Variants in LEMD3 observed in about 807,000 individuals in gnomAD.
LEMD3 encodes the protein inner nuclear membrane protein Man1.
Under a neutral mutation model 95.2 loss-of-function variants are expected in LEMD3, and 33 were observed. The ratio of observed to expected loss-of-function variants is 0.35; its 90% CI spans 0.26 to 0.46. The LOEUF is 0.46. Ranked by LOEUF, LEMD3 falls within the 20% of genes least tolerant of loss-of-function variation. The pLI, the probability that LEMD3 is intolerant of heterozygous loss-of-function variation, is 1.00. For missense variants in LEMD3, 1,210 were observed against 1,192.8 expected (o/e 1.01, Z -0.21); for synonymous variants, 525 against 474.6 (o/e 1.11, Z -1.38).
intron 1 of LEMD3, among the ~76,000 whole-genome samples, chr12:65,197,577 C>A (rs916186245): frequency 1.3e-5 from 2 of 152,078 alleles, no homozygotes; most frequent in African/African-American, 4.8e-5. Flanking sequence ...TTGTTTTTGA[C>A]TTGATGACAT....
At chr12:65,193,219 G>A (rs1869300048) in intron 1 of LEMD3, among the ~76,000 whole-genome samples, 1 of 152,174 alleles carries the variant, frequency 6.6e-6, no homozygotes, top group South Asian at 2.1e-4. Flanking sequence ...TAAAGCAGGA[G>A]TGAAAGCTTT....
chr12:65,190,238 A>G (rs1869196319), intron 1 of LEMD3, among the ~76,000 whole-genome samples: 1 of 152,180 alleles, frequency 6.6e-6, no homozygotes, highest in East Asian at 1.9e-4. Flanking sequence ...GCCCCCTGCA[A>G]CCATCTGAAT....
intron 4 of LEMD3, among the ~76,000 whole-genome samples, chr12:65,224,499 TC>T (rs774397298): frequency 5.9e-5 from 9 of 152,002 alleles, no homozygotes; most frequent in Non-Finnish European, 1.3e-4. Context: ...GATGTACTGC[TC>T]CCCCCTCCCC....
chr12:65,187,793 C>T (rs1869113493), intron 1 of LEMD3, among the ~76,000 whole-genome samples: 1 of 152,010 alleles, frequency 6.6e-6, no homozygotes, highest in African/African-American at 2.4e-5. Context: ...GATCTCTGTC[C>T]TTCAAAGTAG....
intron 8 of LEMD3, 27 bp downstream of exon 8, chr12:65,240,265 G>T: frequency 6.6e-7 from 1 of 1,519,326 alleles, no homozygotes; most frequent in East Asian, 2.3e-5. Context: ...ATGAGTTCAA[G>T]TAAATCAGAA....
Position 65,170,215 on chromosome 12 carries a change from C to G in LEMD3, c.619C>G (p.Leu207Val), listed in dbSNP as rs1041523937. The G allele has an allele frequency of 3.3e-6, 5 of 1,504,366 alleles. No individual in the cohort carries two copies. Among genetic ancestry groups the G allele is most frequent in the African/African-American group, 2.8e-5 (2 of 72,098 alleles). 93.2% of individuals were successfully genotyped at this position (1,504,366 alleles called of 1,614,324 possible). ...GGCCAGGAGGCCGGCGGGCCCCGAG[C>G]TGCAGACCCCGCCGGGGAAAGATGG... ...WGARRPAGPELQTPPGKDGAV... is the reference protein window; with the variant it reads ...WGARRPAGPEVQTPPGKDGAV... The change falls in exon 1 of 13, where the codon CTG (leucine) becomes GTG (valine). Residue 207 changes from leucine (L) to valine (V), a missense_variant. Leu to Val is a conservative substitution (Grantham distance 32). Around this residue, in one of 2 missense-constraint regions of LEMD3, gnomAD observed 749 missense variants for 622.9 expected, o/e 1.20. Coordinates refer to ENST00000308330, the MANE Select transcript of LEMD3 (RefSeq NM_014319.5).
Position 65,240,999 on chromosome 12 carries a change from T to G in LEMD3, c.2217T>G (p.Gly739=). ...RVRTETRRIG[G]ADFLVWRWIQ... ...GCACGGAAACACGAAGAATAGGTGG[T>G]GCAGATTTTCTGGTTTGGCGGTGGA... The change falls in exon 9 of 13, where the codon GGT becomes GGG. Residue 739 remains glycine, a synonymous_variant. Transcript: ENST00000308330. The G allele has an allele frequency of 6.2e-7, 1 of 1,614,108 alleles. No individual in the cohort carries two copies. The highest frequency in any genetic ancestry group is 8.5e-7 in the Non-Finnish European group (1 of 1,179,956).
intron 4 of LEMD3, among the ~76,000 whole-genome samples, chr12:65,225,482 G>C (rs1318455470): frequency 6.6e-6 from 1 of 152,070 alleles, no homozygotes; most frequent in Non-Finnish European, 1.5e-5. Context: ...AAGTTTTGCT[G>C]GTTTATTTTC....
At chr12:65,226,021 T>A (rs901176966) in intron 4 of LEMD3, among the ~76,000 whole-genome samples, 2 of 152,162 alleles carry the variant, frequency 1.3e-5, no homozygotes, top group African/African-American at 4.8e-5. Flanking sequence ...ATGTCTAACT[T>A]TTTTCCTCCC....
Position 65,170,854 on chromosome 12 carries a change from A to T in LEMD3, c.1258A>T (p.Ser420Cys). The change falls in exon 1 of 13, where the codon AGT becomes TGT. Residue 420 changes from serine to cysteine, a missense_variant. By Grantham distance (112) the Ser-to-Cys change is moderately radical. Around this residue, in one of 2 missense-constraint regions of LEMD3, gnomAD observed 749 missense variants for 622.9 expected, o/e 1.20. Coordinates refer to ENST00000308330, the MANE Select transcript of LEMD3 (RefSeq NM_014319.5). ...LPPSAAVAAS[S>C]SLRINHANHT... ...TCCCAGTGCGGCGGTGGCCGCCTCT[A>T]GTTCACTCAGGATCAATCACGCCAA... 6.2e-7 allele frequency: 1 copy of T among 1,614,160 alleles called. No homozygotes were observed. Among genetic ancestry groups the T allele is most frequent in the Non-Finnish European group, 8.5e-7 (1 of 1,180,018 alleles).
Position 65,239,916 on chromosome 12 carries a change from A to G in LEMD3, c.1922-13A>G. 6.5e-7 allele frequency: 1 copy of G among 1,529,506 alleles called. No individual in the cohort carries two copies. Among genetic ancestry groups the G allele is most frequent in the South Asian group, 1.1e-5 (1 of 89,172 alleles). The allele number at this position is 1,529,506 out of a possible 1,614,324, so 94.7% of individuals were successfully genotyped here. ...CCACAATTTTTAAAATACAAAGTAT[A>G]TTAATATTACAGGTGTAGTGATGGT... is the stretch of plus-strand genomic sequence containing the variant. On this transcript the variant is annotated splice_polypyrimidine_tract_variant and intron_variant, in intron 6 of 12. Coordinates refer to ENST00000308330, the MANE Select transcript of LEMD3 (RefSeq NM_014319.5).
chr12:65,231,721 T>C (rs778885969), intron 4 of LEMD3, among the ~76,000 whole-genome samples: 19 of 151,896 alleles, frequency 1.3e-4, no homozygotes, highest in Non-Finnish European at 2.5e-4. Flanking sequence ...ATATGGAAAA[T>C]GAAAGGAAAA....
At position 65,243,353 on chromosome 12, in the gene LEMD3, A is replaced by G. The variant is rs370153873; in HGVS notation, c.2306-35A>G. 2.4e-5 allele frequency: 29 copies of G among 1,228,436 alleles called. No individual in the cohort carries two copies. In the African/African-American group the frequency reaches 4.2e-4, roughly 18 times the overall value. 76.1% of individuals were successfully genotyped at this position (1,228,436 alleles called of 1,614,324 possible). A position where few individuals can be genotyped will look rare whatever the true frequency, so the allele number is the denominator to read the frequency against. On this transcript the variant is annotated intron_variant, in intron 9 of 12. Transcript: ENST00000308330. ...TGAATACCTTTCAACAAACTAGAAC[A>G]ATGTCAAATAGTAAAACTAACTTGT...
chr12:65,225,717 A>G (rs1471148177), intron 4 of LEMD3, among the ~76,000 whole-genome samples: 3 of 152,172 alleles, frequency 2.0e-5, no homozygotes, highest in Non-Finnish European at 4.4e-5. Flanking sequence ...AGTAGCTGGA[A>G]CTACAGGTGC....
intron 4 of LEMD3, among the ~76,000 whole-genome samples, chr12:65,232,692 G>C (rs1592459220): frequency 6.6e-6 from 1 of 152,060 alleles, no homozygotes; most frequent in Non-Finnish European, 1.5e-5. Context: ...AAAGTTAAGA[G>C]GTCCCTCTGG....
At position 65,171,135 on chromosome 12, in the gene LEMD3, G is replaced by A. The variant is rs1868537264; in HGVS notation, c.1522+17G>A. 1 of 1,606,486 alleles carries A rather than the reference G, an allele frequency of 6.2e-7. No individual in the cohort carries two copies. Reference sequence around the variant, plus strand: ...AACTCAGCAGTAAGTATTAAATCCTGTGGGTAAGGTAACAAAGAGAATGTT... The same window carrying A: ...AACTCAGCAGTAAGTATTAAATCCTATGGGTAAGGTAACAAAGAGAATGTT... On this transcript the variant is annotated intron_variant, in intron 1 of 12. Transcript: ENST00000308330.
At chr12:65,241,257 C>G (rs1407430981) in intron 9 of LEMD3, among the ~76,000 whole-genome samples, 170 bp downstream of exon 9, 3 of 152,034 alleles carry the variant, frequency 2.0e-5, no homozygotes, top group African/African-American at 7.2e-5. Flanking sequence ...ACACTTTTAT[C>G]TTTGCTAATG....
At chr12:65,216,411 TGTATAG>T (rs1050365340) in intron 3 of LEMD3, among the ~76,000 whole-genome samples, 1 of 152,020 alleles carries the variant, frequency 6.6e-6, no homozygotes, top group African/African-American at 2.4e-5. Flanking sequence ...TTTTGTTGGT[TGTATAG>T]GTATCATTCT....
At chr12:65,237,126 T>C (rs979726972) in intron 4 of LEMD3, among the ~76,000 whole-genome samples, 2 of 152,084 alleles carry the variant, frequency 1.3e-5, no homozygotes, top group Middle Eastern at 3.2e-3. Context: ...TGAAAAAAAT[T>C]TATGTATTTA....
Sources: gnomAD v4.1 joint callset for allele counts (sites outside exome capture counted in the v4.1 genomes callset) on GRCh38, gnomAD v4.1.1 for gene constraint, gnomAD v4.1.1 regional missense constraint, MANE v1.5 for transcripts, NCBI Gene and HGNC (gene_info 2026-07-23, HGNC 2026-07-21) for gene names.